The following ZRANB3 variants were observed in gnomAD, a reference collection of about 807,000 sequenced individuals.
The protein encoded by ZRANB3 is zinc finger RANBP2-type containing 3, also known as DNA annealing helicase and endonuclease ZRANB3.
In ZRANB3, 125 loss-of-function variants were observed where a neutral mutation model predicts 133.8. The observed-to-expected ratio is 0.93, with a 90% CI of 0.81 to 1.08. The LOEUF is 1.08. Ranked by LOEUF, ZRANB3 falls within the 50% of genes least tolerant of loss-of-function variation. ZRANB3 has a pLI of 0.00. For synonymous variants in ZRANB3, 387 were observed against 432.7 expected (o/e 0.89, Z 1.31); for missense variants, 1,229 against 1,275.5 (o/e 0.96, Z 0.56).
chr2:135,481,513 T>C (rs1390634920), intron 2 of ZRANB3, among the ~76,000 whole-genome samples: 8 of 152,230 alleles, frequency 5.3e-5, no homozygotes, highest in Non-Finnish European at 1.0e-4. Flanking sequence ...TTCTGTATAT[T>C]AGCCCTTTGT....
intron 3 of ZRANB3, among the ~76,000 whole-genome samples, chr2:135,361,862 A>G (rs375600363): frequency 6.6e-6 from 1 of 152,160 alleles, no homozygotes; most frequent in East Asian, 1.9e-4. Flanking sequence ...GCTATTTCCA[A>G]TAGAGAATTT....
chr2:135,369,970 C>A (rs1686098330), intron 3 of ZRANB3, among the ~76,000 whole-genome samples: 1 of 151,224 alleles, frequency 6.6e-6, no homozygotes, highest in African/African-American at 2.4e-5. Context: ...CTACATTTTA[C>A]AGATACCACA....
intron 2 of ZRANB3, among the ~76,000 whole-genome samples, chr2:135,497,104 G>C (rs1692707456): frequency 6.6e-6 from 1 of 152,096 alleles, no homozygotes; most frequent in Admixed American, 6.6e-5. Flanking sequence ...GAGCAATTAA[G>C]TAAATGTAAA....
At chr2:135,415,369 A>C (rs995617814) in intron 2 of ZRANB3, among the ~76,000 whole-genome samples, 6 of 152,150 alleles carry the variant, frequency 3.9e-5, no homozygotes, top group Non-Finnish European at 8.8e-5. Flanking sequence ...GAAATGGATA[A>C]ATTCCTTGAC....
rs192482728 is a variant in ZRANB3, at chr2:135,442,005, A to C, written c.162-51185T>G. On this transcript the variant is annotated intron_variant, in intron 2 of 20. Transcript: ENST00000264159. ...ATATATCGCCATATGTAGAAAGCTGAAACTGGATCCCTTCCTTACACCTTA... is the reference window on the plus strand; with the variant it reads ...ATATATCGCCATATGTAGAAAGCTGCAACTGGATCCCTTCCTTACACCTTA... 6.2e-4 allele frequency among the ~76,000 whole-genome samples: 95 copies of C among 152,324 alleles called. 1 individual carries two copies. Among genetic ancestry groups the C allele is most frequent in the Admixed American group, 6.2e-3 (95 of 15,304 alleles).
At chr2:135,209,631 G>T (rs1447859540) in intron 17 of ZRANB3, among the ~76,000 whole-genome samples, 1 of 152,148 alleles carries the variant, frequency 6.6e-6, no homozygotes. Context: ...GAAGTAAAGA[G>T]AAGTTATTCC....
chr2:135,406,049 G>C (rs544281855), intron 2 of ZRANB3, among the ~76,000 whole-genome samples: 7 of 151,974 alleles, frequency 4.6e-5, no homozygotes, highest in South Asian at 4.1e-4. Flanking sequence ...TTTTTGAGAA[G>C]AACAACAAAA....
At chr2:135,238,432 C>T (rs909167894) in intron 12 of ZRANB3, among the ~76,000 whole-genome samples, 6 of 141,886 alleles carry the variant, frequency 4.2e-5, no homozygotes, top group Admixed American at 2.9e-4. Flanking sequence ...TCACTCTTGT[C>T]TCCCAGGCTG....
intron 2 of ZRANB3, among the ~76,000 whole-genome samples, chr2:135,412,822 TATTTTCAAG>T (rs1300464197): frequency 2.6e-5 from 4 of 152,160 alleles, no homozygotes; most frequent in Non-Finnish European, 5.9e-5. Context: ...TAATGAAGCA[TATTTTCAAG>T]ATATTATCAA....
At chr2:135,245,744 C>T (rs935601968) in intron 12 of ZRANB3, among the ~76,000 whole-genome samples, 26 of 150,442 alleles carry the variant, frequency 1.7e-4, no homozygotes, top group African/African-American at 5.6e-4. Flanking sequence ...CTGACCAACA[C>T]GGAGAAACCC....
intron 3 of ZRANB3, among the ~76,000 whole-genome samples, chr2:135,365,452 A>G (rs936098383): frequency 2.0e-5 from 3 of 152,236 alleles, no homozygotes; most frequent in African/African-American, 7.2e-5. Context: ...AGGCTCAATG[A>G]TCAACCTTAA....
chr2:135,320,587 CCTT>C (rs1267492497), intron 6 of ZRANB3, among the ~76,000 whole-genome samples: 20 of 152,104 alleles, frequency 1.3e-4, no homozygotes, highest in African/African-American at 4.3e-4. Context: ...CTTTTAATCT[CCTT>C]TTGATCATAT....
intron 6 of ZRANB3, 50 bp downstream of exon 6, chr2:135,345,500 T>C (rs978636068): frequency 1.6e-6 from 2 of 1,284,732 alleles, no homozygotes; most frequent in Admixed American, 2.0e-5. Context: ...TAAAGCAATG[T>C]TCACAGTAAA....
chr2:135,237,020 A>G (rs1343516756), intron 12 of ZRANB3, among the ~76,000 whole-genome samples: 3 of 152,154 alleles, frequency 2.0e-5, no homozygotes, highest in African/African-American at 4.8e-5. Flanking sequence ...AGAATGGGAG[A>G]AAATTTTTGC....
chr2:135,408,352 T>C (rs1041989103), intron 2 of ZRANB3, among the ~76,000 whole-genome samples: 13 of 151,940 alleles, frequency 8.6e-5, no homozygotes, highest in African/African-American at 2.7e-4. Context: ...TGTGGAGAAA[T>C]AGGAACACTT....
chr2:135,512,726 T>G lies in ZRANB3; in HGVS notation c.-7-8230A>C, dbSNP rs6744112. 3.2e-4 allele frequency among the ~76,000 whole-genome samples: 48 copies of G among 151,808 alleles called. 1 individual carries two copies. Among genetic ancestry groups the G allele is most frequent in the African/African-American group, 1.1e-3 (44 of 41,498 alleles). On this transcript the variant is annotated intron_variant, in intron 1 of 20. Transcript: ENST00000264159. ...TAGGTTTCAGGCAAAAAAAAATTATTAAAATAAAGAAAAGCATTTTATAAT... is the reference window on the plus strand; with the variant it reads ...TAGGTTTCAGGCAAAAAAAAATTATGAAAATAAAGAAAAGCATTTTATAAT...
chr2:135,273,517 C>CT, intron 9 of ZRANB3, among the ~76,000 whole-genome samples: 1 of 152,024 alleles, frequency 6.6e-6, no homozygotes. Flanking sequence ...AAAAATTCAC[C>CT]TCCAACCCCA....
intron 2 of ZRANB3, among the ~76,000 whole-genome samples, chr2:135,429,773 G>C (rs1302859134): frequency 6.6e-6 from 1 of 152,130 alleles, no homozygotes; most frequent in African/African-American, 2.4e-5. Context: ...GTAGGAGGCA[G>C]CCATTTTAAC....
chr2:135,385,923 G>A (rs188066441), intron 3 of ZRANB3, among the ~76,000 whole-genome samples: 11 of 152,062 alleles, frequency 7.2e-5, no homozygotes, highest in Non-Finnish European at 1.5e-4. Flanking sequence ...ATTCAGGACA[G>A]AGGCATGGGC....
Sources: gnomAD v4.1 joint callset for allele counts (sites outside exome capture counted in the v4.1 genomes callset) on GRCh38, gnomAD v4.1.1 for gene constraint, MANE v1.5 for transcripts, NCBI Gene and HGNC (gene_info 2026-07-23, HGNC 2026-07-21) for gene names.